KATNIP: variants seen among roughly 807,000 people sequenced by gnomAD.
KATNIP encodes the protein katanin-interacting protein.
Under a neutral mutation model 174.0 loss-of-function variants are expected in KATNIP, and 126 were observed. That is an observed-to-expected ratio of 0.72 (90% CI 0.63 to 0.84). The LOEUF is 0.84. KATNIP is among the 40% of genes least tolerant of loss of function. KATNIP has a pLI of 0.00. For missense variants in KATNIP, 1,958 were observed against 2,109.7 expected, an observed-to-expected ratio of 0.93 and a Z score of 1.41; for synonymous variants, 810 against 835.7, an observed-to-expected ratio of 0.97 and a Z score of 0.53.
chr16:27,656,509 TAACAC>T (rs1263228047), intron 6 of KATNIP, among the ~76,000 whole-genome samples: 1 of 131,092 alleles, frequency 7.6e-6, no homozygotes, highest in Non-Finnish European at 1.6e-5. Flanking sequence ...AGTAAAGAAA[TAACAC>T]AATAGCAAAG....
chr16:27,605,133 A>G (rs997300243), intron 2 of KATNIP, among the ~76,000 whole-genome samples: 5 of 152,008 alleles, frequency 3.3e-5, no homozygotes, highest in African/African-American at 7.3e-5. Flanking sequence ...GGGTTTCACC[A>G]TGTTGGCCAG....
chr16:27,756,003 C>CTGCCAGCCGTCAGCACTTCCCGCCA (rs1250440744), intron 18 of KATNIP, among the ~76,000 whole-genome samples: 92 of 152,318 alleles, frequency 6.0e-4, no homozygotes, highest in Non-Finnish European at 1.2e-3. Flanking sequence ...CAGTGGTGAG[C>CTGCCAGCCGTCAGCACTTCCCGCCA]TGCCAGCCGT....
intron 15 of KATNIP, among the ~76,000 whole-genome samples, chr16:27,746,506 C>T (rs565230004): frequency 6.6e-6 from 1 of 152,326 alleles, no homozygotes; most frequent in Non-Finnish European, 1.5e-5. Context: ...AGTCCCTCGG[C>T]CTCTAGGCCT....
intron 2 of KATNIP, among the ~76,000 whole-genome samples, chr16:27,607,751 C>A (rs139992382): frequency 1.3e-5 from 2 of 152,116 alleles, no homozygotes; most frequent in Non-Finnish European, 2.9e-5. Flanking sequence ...TCCTGCATGG[C>A]GCTAACCATC....
At chr16:27,773,625 T>A (rs1023404046) in intron 23 of KATNIP, among the ~76,000 whole-genome samples, 1 of 152,208 alleles carries the variant, frequency 6.6e-6, no homozygotes, top group African/African-American at 2.4e-5. Flanking sequence ...ACACCAGAAT[T>A]TGCAGACTGT....
At chr16:27,617,184 C>T (rs2076066178) in intron 2 of KATNIP, among the ~76,000 whole-genome samples, 1 of 152,146 alleles carries the variant, frequency 6.6e-6, no homozygotes, top group African/African-American at 2.4e-5. Flanking sequence ...ATGACAGAAA[C>T]TCAGCTGAAA....
intron 5 of KATNIP, chr16:27,632,390 A>G (rs1455094457): frequency 3.5e-6 from 1 of 282,884 alleles, no homozygotes; most frequent in East Asian, 8.7e-5. Flanking sequence ...CATATTCAGT[A>G]AGCTGTAGGA....
chr16:27,775,254 C>T (rs1011805015), intron 24 of KATNIP, among the ~76,000 whole-genome samples, 170 bp downstream of exon 24: 3 of 152,208 alleles, frequency 2.0e-5, no homozygotes, highest in Non-Finnish European at 4.4e-5. Context: ...CTGATGGGGT[C>T]AGCTCTTCCA....
intron 2 of KATNIP, chr16:27,574,332 T>G: frequency 3.9e-6 from 1 of 254,142 alleles, no homozygotes; most frequent in Non-Finnish European, 7.8e-6. Context: ...CTCATGTTTC[T>G]GCAGTTCATG....
intron 6 of KATNIP, among the ~76,000 whole-genome samples, chr16:27,657,835 G>A (rs538522156): frequency 3.9e-5 from 6 of 152,244 alleles, no homozygotes; most frequent in East Asian, 3.9e-4. Context: ...GCTTGATCCC[G>A]GGAGTCGGAG....
rs1270968433 is a variant in KATNIP, at chr16:27,776,383, C to T, written c.4450-545C>T. Among the ~76,000 whole-genome samples the T allele has an allele frequency of 6.6e-6, 1 of 152,132 alleles. No homozygotes were observed. Among genetic ancestry groups the T allele is most frequent in the African/African-American group, 2.4e-5 (1 of 41,426 alleles). On this transcript the variant is annotated intron_variant, in intron 24 of 27. Coordinates refer to ENST00000261588, the MANE Select transcript of KATNIP (RefSeq NM_015202.5). The surrounding 1 kb of genome is among the most constrained non-coding windows in gnomAD (Gnocchi z 4.7). ...GGAGGGCTGTTTGAGGCTGCTCCGT[C>T]CCACTTTTCCCACTGGATTCTGCCC... is the stretch of plus-strand genomic sequence containing the variant.
chr16:27,725,796 C>G (rs1394409718), intron 14 of KATNIP, among the ~76,000 whole-genome samples: 1 of 152,192 alleles, frequency 6.6e-6, no homozygotes, highest in Non-Finnish European at 1.5e-5. Flanking sequence ...CACAGCGTCA[C>G]CACGCAAGTG....
At chr16:27,559,231 G>T (rs1240927830) in intron 1 of KATNIP, among the ~76,000 whole-genome samples, 1 of 152,144 alleles carries the variant, frequency 6.6e-6, no homozygotes, top group African/African-American at 2.4e-5. Context: ...TTTAACAATT[G>T]CCCTATGGAT....
At chr16:27,715,976 T>TAAA (rs34034289) in intron 13 of KATNIP, among the ~76,000 whole-genome samples, 1 of 143,794 alleles carries the variant, frequency 7.0e-6, no homozygotes, top group Admixed American at 7.0e-5. Context: ...TACATTTATT[T>TAAA]AAAAAAAAAA....
intron 2 of KATNIP, among the ~76,000 whole-genome samples, chr16:27,596,741 G>A (rs537296824): frequency 1.3e-5 from 2 of 152,190 alleles, no homozygotes; most frequent in African/African-American, 4.8e-5. Context: ...AATAAAAATA[G>A]GCCAGGCATG....
intron 2 of KATNIP, among the ~76,000 whole-genome samples, chr16:27,592,248 G>C (rs896105154): frequency 6.8e-6 from 1 of 147,944 alleles, no homozygotes; most frequent in African/African-American, 2.5e-5. Context: ...CAGGCACTGA[G>C]GTAAGAGCTT....
intron 14 of KATNIP, among the ~76,000 whole-genome samples, chr16:27,732,468 C>T (rs903124186): frequency 2.6e-5 from 4 of 152,202 alleles, no homozygotes; most frequent in Non-Finnish European, 4.4e-5. Context: ...TAGCCCTTTC[C>T]CCTGTCCTTG....
chr16:27,758,069 G>A (rs531598187), intron 18 of KATNIP, among the ~76,000 whole-genome samples: 12 of 152,200 alleles, frequency 7.9e-5, no homozygotes, highest in Admixed American at 2.6e-4. Flanking sequence ...TCGAAAAGGA[G>A]AGTAATCAAT....
chr16:27,712,228 C>A (rs552461002), intron 13 of KATNIP, among the ~76,000 whole-genome samples: 2 of 152,174 alleles, frequency 1.3e-5, no homozygotes, highest in Non-Finnish European at 2.9e-5. Context: ...AGCTGTGTCA[C>A]CCTGGGCTGC....
Sources: allele counts gnomAD v4.1 joint callset (sites outside exome capture counted in the v4.1 genomes callset), GRCh38; gene constraint gnomAD v4.1.1; non-coding constraint Gnocchi (gnomAD v3.1); transcripts MANE v1.5; gene names NCBI Gene and HGNC (gene_info 2026-07-23, HGNC 2026-07-21).